The following PKD1L3 variants were observed in gnomAD, a reference collection of about 807,000 sequenced individuals.
The protein encoded by PKD1L3 is polycystin 1 like 3, transient receptor potential channel interacting.
PKD1L3 carries 239 observed loss-of-function variants against 184.1 expected under a neutral mutation model. The ratio of observed to expected loss-of-function variants is 1.30; its 90% CI spans 1.17 to 1.45. The LOEUF (loss-of-function observed/expected upper bound fraction) is 1.45. PKD1L3 is among the 40% of genes most tolerant of loss of function. The probability of loss-of-function intolerance (pLI) is 0.00; values close to 1 mark genes in which losing one functional copy is unlikely to be tolerated. For missense variants in PKD1L3, 2,660 were observed against 2,067.2 expected (o/e 1.29, Z -5.56); for synonymous variants, 996 against 778.8 (o/e 1.28, Z -4.64).
intron 14 of PKD1L3, among the ~76,000 whole-genome samples, chr16:71,967,627 G>C (rs781608101): frequency 1.3e-5 from 2 of 152,088 alleles, no homozygotes; most frequent in Admixed American, 1.3e-4. Context: ...ATCACGCTCA[G>C]CTAATTTCTG....
chr16:71,982,279 T>G, intron 6 of PKD1L3, 44 bp from the exon 7 acceptor site: 7 of 133,040 alleles, frequency 5.3e-5, no homozygotes, highest in Non-Finnish European at 5.9e-5. Context: ...AATTGTTTGC[T>G]TTTTTTTTTT....
chr16:71,933,172 A>G lies in PKD1L3; in HGVS notation c.4926+248T>C, dbSNP rs1259577777. On this transcript the variant is annotated intron_variant, in intron 28 of 29. Transcript: ENST00000620267. The stretch of plus-strand genomic sequence containing the variant: ...AGCTTCGGCTCAGTGTCCTTTGCCA[A>G]TAAGATTAAGGACACAAGAAGTGAG... Among the ~76,000 whole-genome samples, 4 of 152,210 alleles carry G rather than the reference A, an allele frequency of 2.6e-5. No individual in the cohort carries two copies. The East Asian group carries it at 7.7e-4, about 29-fold the overall frequency.
Position 71,952,939 on chromosome 16 carries a change from G to A in PKD1L3, c.2964C>T (p.Leu988=). ...PLFPPIQASC[L]SDASVEPLSA... is the part of the protein sequence containing the mutation. ...AGAGAGGCTCAACAGAAGCATCTGA[G>A]AGGCAGGAGGCCTGGATGGGAGGAA... The change falls in exon 18 of 30, where the codon CTC becomes CTT. Residue 988 remains leucine (L), a synonymous_variant. Transcript: ENST00000620267. The A allele has an allele frequency of 6.4e-7, 1 of 1,551,046 alleles. No individual in the cohort carries two copies. Among genetic ancestry groups the A allele is most frequent in the Admixed American group, 2.0e-5 (1 of 50,832 alleles).
intron 20 of PKD1L3, 31 bp from the exon 21 acceptor site, chr16:71,950,048 G>C (rs1225242830): frequency 1.2e-5 from 18 of 1,550,150 alleles, no homozygotes; most frequent in African/African-American, 1.4e-5. Flanking sequence ...GAATAATCTT[G>C]TATGCATCGG....
chr16:71,929,570 T>C lies in PKD1L3; in HGVS notation c.5167A>G (p.Ser1723Gly). ...SEQAATTAVG[S>G]DTEVLDELP is the part of the protein sequence containing the mutation. ...AGTTCATCTAAAACTTCAGTGTCAC[T>C]GCCCACTGCTGTCGTGGCTGCTTGC... Residue 1723 changes from serine to glycine, a missense_variant, in exon 30 of 30, where the codon AGT becomes GGT. Physicochemically the swap from Ser to Gly is moderately conservative, Grantham distance 56. Transcript: ENST00000620267. 6.4e-7 allele frequency: 1 copy of C among 1,551,332 alleles called. No homozygotes were observed. The highest frequency in any genetic ancestry group is 2.0e-5 in the Admixed American group (1 of 50,840).
At chr16:71,933,877 G>A (rs2038079414) in intron 27 of PKD1L3, 38 bp downstream of exon 27, 3 of 1,538,730 alleles carry the variant, frequency 1.9e-6, no homozygotes, top group Non-Finnish European at 8.8e-7. Context: ...CAAGACCACA[G>A]CACACGGAGA....
Position 71,982,229 on chromosome 16 carries a change from G to A in PKD1L3, c.973C>T (p.Leu325Phe), listed in dbSNP as rs753138849. 6.9e-5 allele frequency: 98 copies of A among 1,413,916 alleles called. No individual in the cohort carries two copies. The highest frequency in any genetic ancestry group is 9.3e-5 in the Non-Finnish European group (98 of 1,058,724). 87.6% of individuals were successfully genotyped at this position (1,413,916 alleles called of 1,614,324 possible). The change falls in exon 7 of 30, where the codon CTC (leucine) becomes TTC (phenylalanine). Residue 325 changes from leucine (L) to phenylalanine (F), a missense_variant. Coordinates refer to ENST00000620267, the MANE Select transcript of PKD1L3 (RefSeq NM_181536.2). ...CTCAGGTAAATAAGGGAATTGATGA[G>A]ATTAACCTGGGAGGATTAGAAAGCA... ...PRFSKPAQVNLINSLIYLSEE... is the reference protein window; with the variant it reads ...PRFSKPAQVNFINSLIYLSEE...
Position 71,944,130 on chromosome 16 carries a change from G to T in PKD1L3, c.3759C>A (p.Asn1253Lys), listed in dbSNP as rs370997511. The T allele has an allele frequency of 1.1e-4, 174 of 1,551,202 alleles. No individual in the cohort carries two copies. The highest frequency in any genetic ancestry group is 3.3e-4 in the Middle Eastern group (2 of 6,014). ...TAGCTGGGGCTACATAGACGGGGTT[G>T]TTCTTATCTCTTGAACCTGGTACTG... ...SSSVPGSRDK[N>K]NPVYVAPAIN... Residue 1253 changes from asparagine (N) to lysine (K), a missense_variant, in exon 23 of 30, where the codon AAC becomes AAA. Asn to Lys is a moderately conservative substitution (Grantham distance 94). Transcript: ENST00000620267.
intron 28 of PKD1L3, among the ~76,000 whole-genome samples, chr16:71,932,294 G>A (rs1447446838): frequency 1.3e-5 from 2 of 152,138 alleles, no homozygotes; most frequent in African/African-American, 4.8e-5. Context: ...TACATACCAG[G>A]GTTTGGAGCC....
chr16:71,984,038 G>A lies in PKD1L3; in HGVS notation c.964C>T (p.Gln322Ter). The A allele has an allele frequency of 6.4e-7, 1 of 1,551,892 alleles. No individual in the cohort carries two copies. The highest frequency in any genetic ancestry group is 8.7e-7 in the Non-Finnish European group (1 of 1,146,896). ...ALTPRFSKPA[Q>*]VNLINSLIYL... The stretch of plus-strand genomic sequence containing the variant: ...CCTCCCAGTCACCCTCCACTTACCT[G>A]AGCTGGCTTAGAAAATCTTGGGGTT... Residue 322 changes from glutamine (Q) to a stop codon, truncating the protein, a stop_gained and splice_region_variant, in exon 6 of 30, where the codon CAG becomes TAG. Coordinates refer to ENST00000620267, the MANE Select transcript of PKD1L3 (RefSeq NM_181536.2). LOFTEE classifies it high-confidence loss of function.
intron 19 of PKD1L3, among the ~76,000 whole-genome samples, chr16:71,951,022 C>T (rs180921105): frequency 6.6e-5 from 10 of 151,778 alleles, no homozygotes; most frequent in Middle Eastern, 3.4e-3. Flanking sequence ...GGATTACAGG[C>T]GTGAGCCACC....
intron 12 of PKD1L3, 139 bp from the exon 13 acceptor site, chr16:71,970,244 TA>T: frequency 1.5e-6 from 1 of 676,268 alleles, no homozygotes; most frequent in Non-Finnish European, 2.5e-6. Flanking sequence ...CGTAAATTGG[TA>T]TAACCAATGT....
chr16:71,967,791 T>C (rs1455700077), intron 14 of PKD1L3, 115 bp downstream of exon 14: 1 of 865,694 alleles, frequency 1.2e-6, no homozygotes, highest in Non-Finnish European at 1.8e-6. Context: ...AACTAGAAAA[T>C]ACCAATCTCT....
At position 71,951,672 on chromosome 16, in the gene PKD1L3, A is replaced by C. The variant is rs767877753; in HGVS notation, c.3082T>G (p.Trp1028Gly). 1.2e-5 allele frequency: 19 copies of C among 1,551,696 alleles called. No individual in the cohort carries two copies. Among genetic ancestry groups the C allele is most frequent in the Non-Finnish European group, 1.6e-5 (18 of 1,146,970 alleles). The change falls in exon 19 of 30, where the codon TGG becomes GGG. Residue 1028 changes from tryptophan (W) to glycine (G), a missense_variant. By Grantham distance (184) the Trp-to-Gly change is radical. Coordinates refer to ENST00000620267, the MANE Select transcript of PKD1L3 (RefSeq NM_181536.2). ...YLLSKCEQPP[W>G]SSWDITKLVK... is the part of the protein sequence containing the mutation. The stretch of plus-strand genomic sequence containing the variant: ...AGCTTAGTAATGTCCCAAGAACTCC[A>C]TGGCGGCTGCTCACACTTGGAGAGT...
chr16:71,948,122 C>G (rs1223254390), intron 21 of PKD1L3, among the ~76,000 whole-genome samples: 1 of 152,030 alleles, frequency 6.6e-6, no homozygotes, highest in Non-Finnish European at 1.5e-5. Flanking sequence ...TGTTCTGTTG[C>G]CCAGGCTGGA....
intron 10 of PKD1L3, 90 bp from the exon 11 acceptor site, chr16:71,977,557 G>GGTCGTC: frequency 1.6e-5 from 11 of 671,612 alleles, no homozygotes; most frequent in East Asian, 6.8e-5. Flanking sequence ...AAACGTCCTA[G>GGTCGTC]CTCTTTTTTT....
At position 71,933,418 on chromosome 16, in the gene PKD1L3, ACCT is replaced by A; in HGVS notation, c.4925_4926+1del. The A allele has an allele frequency of 6.5e-7, 1 of 1,530,588 alleles. No homozygotes were observed. The highest frequency in any genetic ancestry group is 1.4e-5 in the African/African-American group (1 of 72,628). The allele number at this position is 1,530,588 out of a possible 1,614,324, so 94.8% of individuals were successfully genotyped here. ...TGTGAGGAAACAAATTATTATTTTTACCTCCTCTTGGTGAGAAATTCCCATCAG... is the reference window on the plus strand; with the variant it reads ...TGTGAGGAAACAAATTATTATTTTTACCTCTTGGTGAGAAATTCCCATCAG... On this transcript the variant is annotated splice_donor_variant and coding_sequence_variant, in exon 28 of 30. Coordinates refer to ENST00000620267, the MANE Select transcript of PKD1L3 (RefSeq NM_181536.2). LOFTEE classifies it high-confidence loss of function.
chr16:71,953,173 A>T, intron 17 of PKD1L3, 80 bp from the exon 18 acceptor site: 1 of 1,195,130 alleles, frequency 8.4e-7, no homozygotes. Flanking sequence ...AGGTTTAACT[A>T]TTTACTGAGG....
At chr16:71,950,353 A>T (rs1237644386) in intron 19 of PKD1L3, 43 bp from the exon 20 acceptor site, 7 of 1,439,810 alleles carry the variant, frequency 4.9e-6, no homozygotes, top group Non-Finnish European at 6.6e-6. Flanking sequence ...AGTGGATTTC[A>T]ATAAGAAGCA....
Sources: allele counts gnomAD v4.1 joint callset (sites outside exome capture counted in the v4.1 genomes callset), GRCh38; gene constraint gnomAD v4.1.1; transcripts MANE v1.5; gene names NCBI Gene and HGNC (gene_info 2026-07-23, HGNC 2026-07-21).